BCAT1: variants seen among roughly 807,000 people sequenced by gnomAD.
BCAT1 encodes the protein branched chain amino acid transaminase 1.
BCAT1 carries 48 observed loss-of-function variants against 52.4 expected under a neutral mutation model. The observed-to-expected ratio is 0.92, with a 90% CI of 0.73 to 1.16. The LOEUF (loss-of-function observed/expected upper bound fraction) is 1.16, where lower values mean the gene tolerates loss of function less well. Among genes scored for constraint, BCAT1 ranks in the 50% most tolerant of loss-of-function variants. The pLI is 0.00. For synonymous variants in BCAT1, 167 were observed against 161.3 expected, an observed-to-expected ratio of 1.04 and a Z score of -0.27; for missense variants, 451 against 457.1, an observed-to-expected ratio of 0.99 and a Z score of 0.12.
chr12:24,872,052 G>A (rs1314689767), intron 5 of BCAT1, among the ~76,000 whole-genome samples: 1 of 152,140 alleles, frequency 6.6e-6, no homozygotes, highest in Non-Finnish European at 1.5e-5. Context: ...TTGCTGCTGT[G>A]CTAACTAGTC....
intron 6 of BCAT1, among the ~76,000 whole-genome samples, chr12:24,844,183 T>C (rs1358363012): frequency 6.6e-6 from 1 of 152,010 alleles, no homozygotes; most frequent in Non-Finnish European, 1.5e-5. Context: ...ATCCCAGCAC[T>C]TTGGGAGGCT....
chr12:24,913,718 G>A (rs745546280), intron 1 of BCAT1, among the ~76,000 whole-genome samples: 3 of 152,200 alleles, frequency 2.0e-5, no homozygotes, highest in Non-Finnish European at 2.9e-5. Flanking sequence ...CTAATAGACT[G>A]AGCAGGGAAA....
intron 1 of BCAT1, among the ~76,000 whole-genome samples, chr12:24,944,091 T>A (rs1435616756): frequency 6.6e-6 from 1 of 152,182 alleles, no homozygotes; most frequent in Admixed American, 6.6e-5. Context: ...GTTTCTTCTA[T>A]AAACACCAGC....
intron 1 of BCAT1, among the ~76,000 whole-genome samples, chr12:24,914,376 C>T (rs754019762): frequency 3.3e-5 from 5 of 152,150 alleles, no homozygotes; most frequent in Non-Finnish European, 7.4e-5. Context: ...AACTACTGTG[C>T]CCAGCGGGTG....
intron 5 of BCAT1, among the ~76,000 whole-genome samples, chr12:24,870,004 A>ATG (rs539712345): frequency 0.067 from 9,430 of 141,318 alleles, 344 homozygotes; most frequent in Non-Finnish European, 0.084. Flanking sequence ...GTGTGTATAT[A>ATG]TGTGTGTGTG....
In BCAT1 at chr12:24,949,055, G is replaced by A; in HGVS notation, c.-123C>T. ...GCGGTCCCGGCTGCAGCAAGACCTGGGGCAGTGCCCGAGGCGGCGGCGAGT... is the reference window on the plus strand; with the variant it reads ...GCGGTCCCGGCTGCAGCAAGACCTGAGGCAGTGCCCGAGGCGGCGGCGAGT... On this transcript the variant is annotated 5_prime_UTR_variant, in exon 1 of 11. Transcript: ENST00000261192. 1.1e-5 allele frequency: 11 copies of A among 991,920 alleles called. No individual in the cohort carries two copies. In the South Asian group the frequency reaches 1.2e-4, roughly 11 times the overall value. 61.4% of individuals were successfully genotyped at this position (991,920 alleles called of 1,614,324 possible).
At chr12:24,831,564 G>A (rs546422235) in intron 9 of BCAT1, among the ~76,000 whole-genome samples, 80 of 152,270 alleles carry the variant, frequency 5.3e-4, no homozygotes, top group Non-Finnish European at 3.4e-4. Context: ...TGAGAGGATC[G>A]CTTGAGCTTG....
chr12:24,836,939 AAAGAAAGAAAGAAAGAAAAGAG>A (rs1389651831), intron 7 of BCAT1, among the ~76,000 whole-genome samples: 12 of 118,450 alleles, frequency 1.0e-4, no homozygotes, highest in Non-Finnish European at 1.4e-4. Context: ...AGAAAGAAAG[AAAGAAAGAAAGAAAGAAAAGAG>A]AAAGAAAGAA....
At chr12:24,861,505 A>G (rs1236083606) in intron 5 of BCAT1, among the ~76,000 whole-genome samples, 2 of 152,168 alleles carry the variant, frequency 1.3e-5, no homozygotes, top group Non-Finnish European at 2.9e-5. Flanking sequence ...AGAACTCGGG[A>G]GTTAGGAATG....
chr12:24,814,828 A>AT lies in BCAT1; in HGVS notation c.*3179dup, dbSNP rs1297454162. 2 of 69,416 alleles carry AT rather than the reference A, an allele frequency of 2.9e-5. No homozygotes were observed. Among genetic ancestry groups the AT allele is most frequent in the African/African-American group, 5.2e-5 (1 of 19,116 alleles). 4.3% of individuals were successfully genotyped at this position (69,416 alleles called of 1,614,324 possible). On this transcript the variant is annotated 3_prime_UTR_variant, in exon 11 of 11. Coordinates refer to ENST00000261192, the MANE Select transcript of BCAT1 (RefSeq NM_005504.7). ...TTTTTTTTTTTTTTTTTTGTCTTAC[A>AT]TTTTTTCTTACAGCAATCTTTTGAG...
chr12:24,905,798 C>A (rs941198485), intron 1 of BCAT1, among the ~76,000 whole-genome samples: 2 of 151,268 alleles, frequency 1.3e-5, no homozygotes, highest in Admixed American at 6.6e-5. Flanking sequence ...TATGCAGGAG[C>A]GGTGACAGAA....
intron 1 of BCAT1, among the ~76,000 whole-genome samples, chr12:24,941,150 C>A (rs567194459): frequency 5.3e-5 from 8 of 152,266 alleles, no homozygotes; most frequent in Non-Finnish European, 1.0e-4. Flanking sequence ...TGAGTTTGTT[C>A]ATTACGATTT....
chr12:24,854,187 T>C (rs1325138666), intron 5 of BCAT1, among the ~76,000 whole-genome samples: 1 of 152,186 alleles, frequency 6.6e-6, no homozygotes, highest in Admixed American at 6.5e-5. Context: ...AGGCAGGATT[T>C]CAGAGGTGAT....
chr12:24,939,116 T>C (rs1216460741), intron 1 of BCAT1, among the ~76,000 whole-genome samples: 1 of 152,166 alleles, frequency 6.6e-6, no homozygotes, highest in Non-Finnish European at 1.5e-5. Flanking sequence ...TCAAGTGATC[T>C]GCCTGCCTTG....
At chr12:24,898,520 C>CTTTTTTTTT (rs71448094) in intron 2 of BCAT1, among the ~76,000 whole-genome samples, 2,824 of 38,392 alleles carry the variant, frequency 0.074, 876 homozygotes, top group East Asian at 0.081. Context: ...TCAGTCAACA[C>CTTTTTTTTT]TTTTTTTTTT....
At position 24,812,257 on chromosome 12, in the gene BCAT1, A is replaced by ATTTCCAAT. The variant is rs1407108472; in HGVS notation, c.*5743_*5750dup. On this transcript the variant is annotated 3_prime_UTR_variant, in exon 11 of 11. Coordinates refer to ENST00000261192, the MANE Select transcript of BCAT1 (RefSeq NM_005504.7). ...TTAGTTAAAAACTAATAGTCAACCAATTTCCAATTCAGTAAACCTTCCACC... is the reference window on the plus strand; with the variant it reads ...TTAGTTAAAAACTAATAGTCAACCAATTTCCAATTTTCCAATTCAGTAAACCTTCCACC... 1 of 152,058 alleles carries ATTTCCAAT rather than the reference A, an allele frequency of 6.6e-6. No homozygotes were observed. The highest frequency in any genetic ancestry group is 1.5e-5 in the Non-Finnish European group (1 of 67,924). The allele number at this position is 152,058 out of a possible 1,614,324, so 9.4% of individuals were successfully genotyped here. A position where few individuals can be genotyped will look rare whatever the true frequency, so the allele number is the denominator to read the frequency against.
chr12:24,942,261 T>C (rs1407767984), intron 1 of BCAT1, among the ~76,000 whole-genome samples: 1 of 151,810 alleles, frequency 6.6e-6, no homozygotes, highest in African/African-American at 2.4e-5. Context: ...AAGAAAGAAG[T>C]AAAAGATGGC....
At chr12:24,888,700 A>C (rs1816037777) in intron 3 of BCAT1, among the ~76,000 whole-genome samples, 1 of 152,174 alleles carries the variant, frequency 6.6e-6, no homozygotes, top group Non-Finnish European at 1.5e-5. Flanking sequence ...AGGCAATCAC[A>C]CTTCCTAGAT....
chr12:24,923,273 A>G (rs1943529033), intron 1 of BCAT1, among the ~76,000 whole-genome samples: 1 of 152,218 alleles, frequency 6.6e-6, no homozygotes, highest in Admixed American at 6.5e-5. Flanking sequence ...CAACTTTGCA[A>G]GCCTTTCTAA....
Sources: allele counts gnomAD v4.1 joint callset (sites outside exome capture counted in the v4.1 genomes callset), GRCh38; gene constraint gnomAD v4.1.1; transcripts MANE v1.5; gene names NCBI Gene and HGNC (gene_info 2026-07-23, HGNC 2026-07-21).